NEDD9: variants seen among roughly 807,000 people sequenced by gnomAD.
NEDD9 encodes the protein neural precursor cell expressed, developmentally down-regulated 9, also known as enhancer of filamentation 1.
NEDD9 carries 26 observed loss-of-function variants against 76.6 expected under a neutral mutation model. The observed-to-expected ratio is 0.34, with a 90% CI of 0.25 to 0.47. The LOEUF is 0.47. NEDD9 is among the 20% of genes least tolerant of loss of function. NEDD9 has a pLI of 1.00. For synonymous variants in NEDD9, 392 were observed against 414.2 expected (o/e 0.95, Z 0.65); for missense variants, 937 against 1,058.5 (o/e 0.89, Z 1.59).
chr6:11,375,969 C>T (rs1466513758), intron 1 of NEDD9, among the ~76,000 whole-genome samples: 11 of 152,120 alleles, frequency 7.2e-5, no homozygotes, highest in Admixed American at 3.3e-4. Flanking sequence ...GGACTACAGG[C>T]GCCCGTCACC....
intron 3 of NEDD9, chr6:11,305,840 C>T: frequency 1.1e-6 from 1 of 894,854 alleles, no homozygotes; most frequent in South Asian, 1.5e-5. Flanking sequence ...CAAAATCTGG[C>T]AGTCTAAACT....
chr6:11,303,687 C>A (rs963394954), intron 3 of NEDD9, among the ~76,000 whole-genome samples: 5 of 151,954 alleles, frequency 3.3e-5, no homozygotes, highest in Non-Finnish European at 7.4e-5. Context: ...TTTGGCAAAC[C>A]TGAAAAAAAC....
intron 3 of NEDD9, among the ~76,000 whole-genome samples, chr6:11,292,813 A>T (rs955514756): frequency 6.6e-6 from 1 of 152,320 alleles, no homozygotes; most frequent in Middle Eastern, 3.4e-3. Context: ...AAATGTCCTC[A>T]GGCATCCTCT....
chr6:11,367,672 T>C (rs1317484591), intron 1 of NEDD9, among the ~76,000 whole-genome samples: 12 of 143,872 alleles, frequency 8.3e-5, no homozygotes, highest in African/African-American at 3.4e-4. Context: ...TCAACTTCTC[T>C]TACAAGGAAC....
At chr6:11,285,558 C>A (rs1385602614) in intron 3 of NEDD9, among the ~76,000 whole-genome samples, 2 of 152,064 alleles carry the variant, frequency 1.3e-5, no homozygotes, top group East Asian at 3.9e-4. Context: ...AACAAAAATC[C>A]TCAAAAACAA....
rs769991607 is a variant in NEDD9, at chr6:11,306,135, G to A, written c.-132C>T. ...GATGTTTGCCAGTGTCTGACATTAC[G>A]GACCTCACAGCTTACTGAATCTGAA... is the stretch of plus-strand genomic sequence containing the variant. On this transcript the variant is annotated 5_prime_UTR_variant, in exon 3 of 4. Transcript: ENST00000397378. 7.2e-5 allele frequency: 76 copies of A among 1,056,772 alleles called. 1 individual carries two copies. Among genetic ancestry groups the A allele is most frequent in the Middle Eastern group, 6.0e-4 (3 of 4,968 alleles). 65.5% of individuals were successfully genotyped at this position (1,056,772 alleles called of 1,614,324 possible).
intron 1 of NEDD9, among the ~76,000 whole-genome samples, 171 bp downstream of exon 1, chr6:11,232,333 C>T (rs974639583): frequency 9.3e-5 from 14 of 150,352 alleles, no homozygotes; most frequent in African/African-American, 3.4e-4. Context: ...GTCTCAAAGA[C>T]CGGGTCTCTG....
At chr6:11,321,737 A>C (rs1010890920) in intron 2 of NEDD9, among the ~76,000 whole-genome samples, 10 of 152,222 alleles carry the variant, frequency 6.6e-5, no homozygotes, top group Admixed American at 6.5e-4. Flanking sequence ...ACTATTTAAA[A>C]GCAAAAGTGA....
intron 3 of NEDD9, among the ~76,000 whole-genome samples, chr6:11,294,395 G>A (rs149570875): frequency 1.3e-5 from 2 of 152,236 alleles, no homozygotes; most frequent in Non-Finnish European, 2.9e-5. Context: ...CCCTTTTGCT[G>A]TTCTCGTGAT....
intron 3 of NEDD9, among the ~76,000 whole-genome samples, chr6:11,264,297 G>C (rs1391471926): frequency 6.6e-6 from 1 of 152,196 alleles, no homozygotes; most frequent in African/African-American, 2.4e-5. Flanking sequence ...TGCAGTCTGA[G>C]TGAGATGGCG....
chr6:11,279,916 A>G (rs1478079768), intron 3 of NEDD9, among the ~76,000 whole-genome samples: 1 of 152,188 alleles, frequency 6.6e-6, no homozygotes, highest in Non-Finnish European at 1.5e-5. Flanking sequence ...CTTGAAAACA[A>G]AGATGTCCCA....
intron 6 of NEDD9, among the ~76,000 whole-genome samples, chr6:11,186,920 A>C (rs2113710152): frequency 6.6e-6 from 1 of 152,228 alleles, no homozygotes; most frequent in Non-Finnish European, 1.5e-5. Context: ...CCAGCCTTCA[A>C]CAGCTTTACT....
chr6:11,297,996 C>T (rs1391793037), intron 3 of NEDD9, among the ~76,000 whole-genome samples: 3 of 151,560 alleles, frequency 2.0e-5, no homozygotes, highest in Non-Finnish European at 4.4e-5. Context: ...CAACCTCTGC[C>T]TCTGGGGTTC....
intron 2 of NEDD9, among the ~76,000 whole-genome samples, chr6:11,195,796 A>C (rs1268286728): frequency 1.3e-5 from 2 of 152,088 alleles, no homozygotes; most frequent in East Asian, 3.9e-4. Flanking sequence ...GGAGTTGGAG[A>C]CCAGCCTGGC....
intron 3 of NEDD9, among the ~76,000 whole-genome samples, chr6:11,285,464 G>C (rs146875621): frequency 4.1e-4 from 63 of 152,190 alleles, no homozygotes; most frequent in Admixed American, 2.6e-3. Flanking sequence ...AGCCCAGTAG[G>C]CTTTTTTTTG....
intron 1 of NEDD9, among the ~76,000 whole-genome samples, chr6:11,336,161 C>T (rs1762156434): frequency 6.6e-6 from 1 of 152,234 alleles, no homozygotes; most frequent in Non-Finnish European, 1.5e-5. Flanking sequence ...CTTGGCATCG[C>T]CAAGTGGAGT....
chr6:11,306,525 C>T (rs1274056889), intron 2 of NEDD9, among the ~76,000 whole-genome samples: 1 of 152,158 alleles, frequency 6.6e-6, no homozygotes, highest in African/African-American at 2.4e-5. Flanking sequence ...AGACGTTTGC[C>T]AGATGTTTTG....
intron 5 of NEDD9, 39 bp downstream of exon 5, chr6:11,189,925 T>A: frequency 6.7e-7 from 1 of 1,502,600 alleles, no homozygotes; most frequent in Non-Finnish European, 8.9e-7. Context: ...TCCCTGCATG[T>A]GAGTGAGTGT....
intron 3 of NEDD9, among the ~76,000 whole-genome samples, chr6:11,304,910 C>T (rs1161571045): frequency 6.6e-6 from 1 of 152,146 alleles, no homozygotes; most frequent in Non-Finnish European, 1.5e-5. Flanking sequence ...ACCTATGTAA[C>T]AAACCTGCAC....
Sources: allele counts gnomAD v4.1 joint callset (sites outside exome capture counted in the v4.1 genomes callset), GRCh38; gene constraint gnomAD v4.1.1; transcripts MANE v1.5; gene names NCBI Gene and HGNC (gene_info 2026-07-23, HGNC 2026-07-21).